Variants in PKNOX2 observed in about 807,000 individuals in gnomAD.
The protein encoded by PKNOX2 is homeobox protein PKNOX2.
PKNOX2 carries 14 observed loss-of-function variants against 53.1 expected under a neutral mutation model. The observed-to-expected ratio is 0.26, with a 90% confidence interval of 0.17 to 0.41. The LOEUF (loss-of-function observed/expected upper bound fraction) is 0.41, where lower values mean the gene tolerates loss of function less well. PKNOX2 is among the 10% of genes least tolerant of loss of function. The pLI, the probability that PKNOX2 is intolerant of heterozygous loss-of-function variation, is 1.00. For synonymous variants in PKNOX2, 257 were observed against 242.8 expected (o/e 1.06, Z -0.54); for missense variants, 496 against 602.8 (o/e 0.82, Z 1.85).
At chr11:125,287,177 A>G (rs767196507) in intron 2 of PKNOX2, among the ~76,000 whole-genome samples, 32 of 152,330 alleles carry the variant, frequency 2.1e-4, no homozygotes, top group Non-Finnish European at 2.9e-4. Context: ...AGGCACAAAG[A>G]GGTTCCTCAG....
intron 1 of PKNOX2, among the ~76,000 whole-genome samples, chr11:125,193,483 C>T (rs1459226822): frequency 6.6e-6 from 1 of 152,210 alleles, no homozygotes; most frequent in Non-Finnish European, 1.5e-5. Flanking sequence ...TGCCAGTGTG[C>T]ATGTGTGCAT....
At chr11:125,401,572 A>G (rs573418413) in intron 7 of PKNOX2, among the ~76,000 whole-genome samples, 68 of 152,170 alleles carry the variant, frequency 4.5e-4, no homozygotes, top group African/African-American at 1.5e-3. Flanking sequence ...TTGCACACTC[A>G]CACGTCTCTT....
chr11:125,414,301 G>A (rs1955745915), intron 10 of PKNOX2, among the ~76,000 whole-genome samples: 1 of 152,194 alleles, frequency 6.6e-6, no homozygotes, highest in Admixed American at 6.5e-5. Context: ...GGGGCTTTCT[G>A]CCCACACTTT....
At chr11:125,369,793 G>A (rs1952426954) in intron 5 of PKNOX2, among the ~76,000 whole-genome samples, 1 of 152,164 alleles carries the variant, frequency 6.6e-6, no homozygotes, top group African/African-American at 2.4e-5. Context: ...GCTTTTGTGG[G>A]GAGCATAAGG....
intron 5 of PKNOX2, among the ~76,000 whole-genome samples, chr11:125,372,656 T>C (rs548950460): frequency 2.0e-5 from 3 of 152,334 alleles, no homozygotes; most frequent in African/African-American, 7.2e-5. Context: ...AACTTCTCCA[T>C]CTTTTCCAAG....
intron 10 of PKNOX2, among the ~76,000 whole-genome samples, chr11:125,428,060 A>G (rs1441297977): frequency 6.6e-6 from 1 of 152,092 alleles, no homozygotes; most frequent in Non-Finnish European, 1.5e-5. Flanking sequence ...CACAGCATTG[A>G]GTGCTGTGCT....
chr11:125,283,913 C>T lies in PKNOX2; in HGVS notation c.-129-47906C>T, dbSNP rs112071025. On this transcript the variant is annotated intron_variant, in intron 2 of 12. Coordinates refer to ENST00000298282, the MANE Select transcript of PKNOX2 (RefSeq NM_001382323.2). ...CCTGACAGTGTTTGCTCTAAAATGCCTCATCTCACACCGGGCCTACTTCGC... is the reference window on the plus strand; with the variant it reads ...CCTGACAGTGTTTGCTCTAAAATGCTTCATCTCACACCGGGCCTACTTCGC... Among the ~76,000 whole-genome samples, 353 of 152,254 alleles carry T rather than the reference C, an allele frequency of 2.3e-3. 1 individual carries two copies. Among genetic ancestry groups the T allele is most frequent in the South Asian group, 9.1e-3 (44 of 4,822 alleles).
intron 2 of PKNOX2, among the ~76,000 whole-genome samples, chr11:125,265,691 A>G (rs1381234815): frequency 6.6e-6 from 1 of 152,144 alleles, no homozygotes; most frequent in African/African-American, 2.4e-5. Context: ...CCCTCAGCTC[A>G]GCCCCCACCC....
chr11:125,425,076 G>C (rs1393949798), intron 10 of PKNOX2, among the ~76,000 whole-genome samples: 1 of 152,162 alleles, frequency 6.6e-6, no homozygotes, highest in Non-Finnish European at 1.5e-5. Flanking sequence ...AGATGATGCC[G>C]GGAGGCTTCA....
At chr11:125,343,236 T>C (rs1209043557) in intron 3 of PKNOX2, among the ~76,000 whole-genome samples, 1 of 152,132 alleles carries the variant, frequency 6.6e-6, no homozygotes, top group Non-Finnish European at 1.5e-5. Context: ...ACAATAGTCA[T>C]GGCCTCTGGG....
rs548731159 is a variant in PKNOX2, at chr11:125,352,146, G to C, written c.87+754G>C. The stretch of plus-strand genomic sequence containing the variant: ...CCCTCCTACATCCTTTAGACCAGCC[G>C]CTTTTCCTTTTTGCTTCCCCCAGGT... On this transcript the variant is annotated intron_variant, in intron 4 of 12. Coordinates refer to ENST00000298282, the MANE Select transcript of PKNOX2 (RefSeq NM_001382323.2). This position sits in a 1 kb window ranked among gnomAD's most constrained non-coding sequence, Gnocchi z 4.1. Among the ~76,000 whole-genome samples, 1 of 152,080 alleles carries C rather than the reference G, an allele frequency of 6.6e-6. No individual in the cohort carries two copies. The highest frequency in any genetic ancestry group is 1.9e-4 in the East Asian group (1 of 5,186).
chr11:125,349,145 C>T (rs1202108710), intron 3 of PKNOX2, among the ~76,000 whole-genome samples: 2 of 152,046 alleles, frequency 1.3e-5, no homozygotes. Flanking sequence ...TGTCAGGGTC[C>T]AAAAAAGAGA....
chr11:125,273,053 G>A (rs2135801200), intron 2 of PKNOX2, among the ~76,000 whole-genome samples: 1 of 152,324 alleles, frequency 6.6e-6, no homozygotes, highest in African/African-American at 2.4e-5. Flanking sequence ...CAGTCTGCCT[G>A]CCTAAAAGCC....
chr11:125,299,302 C>T (rs1947874259), intron 2 of PKNOX2, among the ~76,000 whole-genome samples: 1 of 152,192 alleles, frequency 6.6e-6, no homozygotes, highest in Non-Finnish European at 1.5e-5. Flanking sequence ...GGTCACATTT[C>T]AGCATGAGAT....
At chr11:125,177,292 C>A (rs143273260) in intron 1 of PKNOX2, among the ~76,000 whole-genome samples, 1 of 146,864 alleles carries the variant, frequency 6.8e-6, no homozygotes, top group Non-Finnish European at 1.5e-5. Context: ...AGGGGGGCAG[C>A]GAGGAGAGGC....
chr11:125,415,615 C>G (rs1955831366), intron 10 of PKNOX2, among the ~76,000 whole-genome samples: 1 of 152,082 alleles, frequency 6.6e-6, no homozygotes, highest in Non-Finnish European at 1.5e-5. Flanking sequence ...TTACATCCCC[C>G]TTGGTGTTTT....
At chr11:125,211,558 T>A (rs1939852990) in intron 1 of PKNOX2, among the ~76,000 whole-genome samples, 1 of 152,122 alleles carries the variant, frequency 6.6e-6, no homozygotes, top group Non-Finnish European at 1.5e-5. Context: ...GACTGGGGCC[T>A]GGGCATTATT....
At chr11:125,381,617 G>A (rs113107371) in intron 5 of PKNOX2, among the ~76,000 whole-genome samples, 1 of 152,050 alleles carries the variant, frequency 6.6e-6, no homozygotes, top group Non-Finnish European at 1.5e-5. Flanking sequence ...TGCAGAGGAG[G>A]TGCATGTTCC....
chr11:125,369,029 G>T (rs1022101963), intron 5 of PKNOX2, among the ~76,000 whole-genome samples: 1 of 152,200 alleles, frequency 6.6e-6, no homozygotes, highest in African/African-American at 2.4e-5. Context: ...CAAGACTAAT[G>T]AATAGGAAGA....
Sources: allele counts gnomAD v4.1 joint callset (sites outside exome capture counted in the v4.1 genomes callset), GRCh38; gene constraint gnomAD v4.1.1; non-coding constraint Gnocchi (gnomAD v3.1); transcripts MANE v1.5; gene names NCBI Gene and HGNC (gene_info 2026-07-23, HGNC 2026-07-21).